Variants in COG6 observed in about 807,000 individuals in gnomAD.
COG6 encodes the protein component of oligomeric golgi complex 6, also known as conserved oligomeric Golgi complex subunit 6.
Under a neutral mutation model 88.8 loss-of-function variants are expected in COG6, and 74 were observed. The observed-to-expected ratio is 0.83, with a 90% confidence interval of 0.69 to 1.01. COG6 has a LOEUF of 1.01. Among genes scored for constraint, COG6 ranks in the 50% least tolerant of loss-of-function variants. The probability of loss-of-function intolerance (pLI) is 0.00; values close to 1 mark genes in which losing one functional copy is unlikely to be tolerated. For synonymous variants in COG6, 286 were observed against 278.7 expected, an observed-to-expected ratio of 1.03 and a Z score of -0.26; for missense variants, 800 against 797.9, an observed-to-expected ratio of 1.00 and a Z score of -0.03.
Position 39,751,929 on chromosome 13 carries a change from A to C in COG6, c.*836A>C. ...ACAATATGGGTCCTAAATCCAACCA[A>C]CTACACATTTTATCTGGTGTTCAAA... is the stretch of plus-strand genomic sequence containing the variant. On this transcript the variant is annotated 3_prime_UTR_variant, in exon 19 of 19. Coordinates refer to ENST00000455146, the MANE Select transcript of COG6 (RefSeq NM_020751.3). 4.1e-6 allele frequency: 5 copies of C among 1,229,656 alleles called. No individual in the cohort carries two copies. Among genetic ancestry groups the C allele is most frequent in the Non-Finnish European group, 5.3e-6 (5 of 936,420 alleles). 76.2% of individuals were successfully genotyped at this position (1,229,656 alleles called of 1,614,324 possible).
intron 1 of COG6, chr13:39,657,017 G>A (rs1469962365): frequency 5.3e-6 from 2 of 379,730 alleles, no homozygotes; most frequent in African/African-American, 2.1e-5. Context: ...ACTGCTACTT[G>A]CTCTGATATA....
rs765415007 is a variant in COG6, at chr13:39,687,507, A to T, written c.793A>T (p.Thr265Ser). The part of the protein sequence containing the change: ...LQDRPVLYKY[T>S]LDEFGTARRS... ...TATATAACTTGTTTCTTCTAGATAT[A>T]CCTTAGATGAATTTGGAACAGCCAG... The change falls in exon 9 of 19, where the codon ACC becomes TCC. Residue 265 changes from threonine (T) to serine (S), a missense_variant. Transcript: ENST00000455146. 44 of 1,612,272 alleles carry T rather than the reference A, an allele frequency of 2.7e-5. No homozygotes were observed. Among genetic ancestry groups the T allele is most frequent in the Non-Finnish European group, 3.3e-5 (39 of 1,178,702 alleles).
intron 1 of COG6, 137 bp downstream of exon 1, chr13:39,656,016 G>C (rs2137933259): frequency 8.9e-7 from 1 of 1,121,568 alleles, no homozygotes; most frequent in East Asian, 2.6e-5. Flanking sequence ...AGACCTGCGG[G>C]CTCCGCTGCT....
In COG6 at chr13:39,655,720, C is replaced by T. The variant is rs556644410; in HGVS notation, c.-7C>T. On this transcript the variant is annotated 5_prime_UTR_variant, in exon 1 of 19. Transcript: ENST00000455146. ...AGGTGGCAGCAGGGGGCGGGACGCG[C>T]AGCGCTATGGCAGAGGGCAGCGGGG... 5.7e-6 allele frequency: 9 copies of T among 1,588,504 alleles called. No homozygotes were observed. The highest frequency in any genetic ancestry group is 2.3e-5 in the South Asian group (2 of 87,972).
intron 18 of COG6, among the ~76,000 whole-genome samples, chr13:39,730,544 G>A (rs1379148305): frequency 6.6e-6 from 1 of 151,776 alleles, no homozygotes. Flanking sequence ...GGGAGGTCGA[G>A]GCAGGCAGAT....
chr13:39,777,669 G>A (rs1203385623), intron 18 of COG6, among the ~76,000 whole-genome samples: 5 of 152,156 alleles, frequency 3.3e-5, no homozygotes, highest in African/African-American at 1.2e-4. Flanking sequence ...GCAGAGTCAG[G>A]TTAGCTCTTC....
intron 11 of COG6, among the ~76,000 whole-genome samples, chr13:39,690,954 T>G (rs1876945641): frequency 6.6e-6 from 1 of 151,890 alleles, no homozygotes; most frequent in Non-Finnish European, 1.5e-5. Context: ...AGGAATAAAA[T>G]GAAATTTATT....
In COG6 at chr13:39,655,719, G is replaced by C; in HGVS notation, c.-8G>C. 1.3e-6 allele frequency: 2 copies of C among 1,587,654 alleles called. No individual in the cohort carries two copies. The highest frequency in any genetic ancestry group is 2.3e-5 in the East Asian group (1 of 43,358). On this transcript the variant is annotated 5_prime_UTR_variant, in exon 1 of 19. Coordinates refer to ENST00000455146, the MANE Select transcript of COG6 (RefSeq NM_020751.3). ...GAGGTGGCAGCAGGGGGCGGGACGC[G>C]CAGCGCTATGGCAGAGGGCAGCGGG...
intron 3 of COG6, among the ~76,000 whole-genome samples, chr13:39,661,389 A>G (rs1427046059): frequency 1.3e-5 from 2 of 152,224 alleles, no homozygotes; most frequent in Admixed American, 6.5e-5. Flanking sequence ...TTGGAATAGT[A>G]CATAGAACGG....
intron 18 of COG6, chr13:39,785,432 TA>T (rs1881743315): frequency 6.6e-6 from 1 of 152,202 alleles, no homozygotes; most frequent in Non-Finnish European, 1.5e-5. Context: ...CAGTCAAATT[TA>T]GCAGTTGGGG....
Position 39,655,837 on chromosome 13 carries a change from C to A in COG6, c.111C>A (p.Arg37=). The A allele has an allele frequency of 1.2e-6, 2 of 1,605,596 alleles. No homozygotes were observed. Among genetic ancestry groups the A allele is most frequent in the East Asian group, 4.5e-5 (2 of 44,528 alleles). ...CGACGACCTGCAACCCGCTGTCGCG[C>A]AAGCTGCATAAGATCCTGGAGACGC... is the stretch of plus-strand genomic sequence containing the variant. ...TSATTCNPLS[R]KLHKILETRL... Residue 37 remains arginine, a synonymous_variant, in exon 1 of 19, where the codon CGC becomes CGA. Coordinates refer to ENST00000455146, the MANE Select transcript of COG6 (RefSeq NM_020751.3).
chr13:39,768,788 C>T (rs1454735200), intron 18 of COG6, among the ~76,000 whole-genome samples: 1 of 151,998 alleles, frequency 6.6e-6, no homozygotes, highest in East Asian at 1.9e-4. Flanking sequence ...GACTTCACTA[C>T]TCAACTCAAT....
chr13:39,703,543 A>C (rs1363400071), intron 13 of COG6, among the ~76,000 whole-genome samples: 1 of 152,108 alleles, frequency 6.6e-6, no homozygotes, highest in Non-Finnish European at 1.5e-5. Context: ...GTATTTTCTG[A>C]CACATCAACT....
intron 13 of COG6, among the ~76,000 whole-genome samples, chr13:39,715,739 C>T (rs1878492637): frequency 6.6e-6 from 1 of 151,976 alleles, no homozygotes; most frequent in Non-Finnish European, 1.5e-5. Context: ...CACTCATCTA[C>T]ATCCTGTCAC....
chr13:39,708,594 G>A (rs1878070203), intron 13 of COG6, among the ~76,000 whole-genome samples: 1 of 152,120 alleles, frequency 6.6e-6, no homozygotes, highest in Non-Finnish European at 1.5e-5. Context: ...ATTTGTGTGT[G>A]TGTGTGTTGT....
At chr13:39,767,235 G>A (rs911054703) in intron 18 of COG6, among the ~76,000 whole-genome samples, 2 of 152,154 alleles carry the variant, frequency 1.3e-5, no homozygotes, top group Non-Finnish European at 1.5e-5. Flanking sequence ...TAACTCATTA[G>A]TCTTGACATT....
chr13:39,763,136 T>G (rs189550141), intron 18 of COG6, among the ~76,000 whole-genome samples: 40 of 151,932 alleles, frequency 2.6e-4, no homozygotes, highest in Admixed American at 5.2e-4. Context: ...TAAGCCTAAG[T>G]TGATCATATT....
At chr13:39,747,157 A>C (rs1315643148) in intron 18 of COG6, among the ~76,000 whole-genome samples, 1 of 152,142 alleles carries the variant, frequency 6.6e-6, no homozygotes, top group African/African-American at 2.4e-5. Flanking sequence ...ACAGTAATTT[A>C]CTCGTCTATA....
intron 13 of COG6, among the ~76,000 whole-genome samples, chr13:39,718,876 T>G (rs972088271): frequency 2.6e-5 from 4 of 152,118 alleles, no homozygotes; most frequent in Non-Finnish European, 5.9e-5. Context: ...ATAGTTGGAA[T>G]AGTGCTGGTC....
Sources: gnomAD v4.1 joint callset for allele counts (sites outside exome capture counted in the v4.1 genomes callset) on GRCh38, gnomAD v4.1.1 for gene constraint, MANE v1.5 for transcripts, NCBI Gene and HGNC (gene_info 2026-07-23, HGNC 2026-07-21) for gene names.